Variants in SGK3 observed in about 807,000 individuals in gnomAD.
The protein encoded by SGK3 is serine/threonine-protein kinase Sgk3.
A neutral mutation model predicts 68.5 loss-of-function variants in SGK3; 47 were observed. The observed-to-expected ratio is 0.69, with a 90% CI of 0.54 to 0.87. The LOEUF (loss-of-function observed/expected upper bound fraction) is 0.87. SGK3 is among the 40% of genes least tolerant of loss of function. The pLI, the probability that SGK3 is intolerant of heterozygous loss-of-function variation, is 0.00. For synonymous variants in SGK3, 181 were observed against 189.1 expected (o/e 0.96, Z 0.35); for missense variants, 479 against 575.5 (o/e 0.83, Z 1.72).
At chr8:66,725,144 G>C (rs1275576719) in intron 1 of SGK3, among the ~76,000 whole-genome samples, 1 of 152,086 alleles carries the variant, frequency 6.6e-6, no homozygotes, top group African/African-American at 2.4e-5. Context: ...CAGGAGAATG[G>C]CGTGAACCCA....
At chr8:66,795,955 A>C (rs952540917) in intron 2 of SGK3, among the ~76,000 whole-genome samples, 1 of 152,068 alleles carries the variant, frequency 6.6e-6, no homozygotes, top group Non-Finnish European at 1.5e-5. Context: ...CCAGCCCTAG[A>C]ACAAAGATAG....
intron 1 of SGK3, among the ~76,000 whole-genome samples, chr8:66,744,483 G>GTGTA (rs1234035478): frequency 4.9e-5 from 2 of 40,756 alleles, no homozygotes; most frequent in African/African-American, 7.4e-5. Flanking sequence ...GTGTGTGTGT[G>GTGTA]TATATATATA....
chr8:66,857,238 T>C (rs969958470), intron 16 of SGK3, among the ~76,000 whole-genome samples: 2 of 152,188 alleles, frequency 1.3e-5, no homozygotes, highest in African/African-American at 2.4e-5. Flanking sequence ...TTTGTCTCTA[T>C]GGGGGATTTT....
intron 1 of SGK3, among the ~76,000 whole-genome samples, chr8:66,776,838 A>G (rs1167416022): frequency 6.6e-6 from 1 of 152,228 alleles, no homozygotes; most frequent in East Asian, 1.9e-4. Context: ...TTTGAGAACA[A>G]GATGATTGTC....
In SGK3 at chr8:66,853,776, A is replaced by G. The variant is rs16933081; in HGVS notation, c.1320+2856A>G. ...TATCCTAATAAGAATTGGTTGCTTAATTTTATTCTCTCAGCAGCTGATAGA... is the reference window on the plus strand; with the variant it reads ...TATCCTAATAAGAATTGGTTGCTTAGTTTTATTCTCTCAGCAGCTGATAGA... On this transcript the variant is annotated intron_variant, in intron 16 of 16. Transcript: ENST00000521198. Among the ~76,000 whole-genome samples the G allele has an allele frequency of 6.4e-3, 979 of 152,288 alleles. 14 individuals carry two copies. The highest frequency in any genetic ancestry group is 0.022 in the African/African-American group (894 of 41,556).
intron 1 of SGK3, among the ~76,000 whole-genome samples, chr8:66,764,891 T>C (rs543573093): frequency 1.1e-4 from 16 of 152,346 alleles, no homozygotes; most frequent in African/African-American, 3.8e-4. Flanking sequence ...TATCAGTACT[T>C]CATTCCTTTT....
chr8:66,801,105 C>T (rs1250248736), intron 3 of SGK3, among the ~76,000 whole-genome samples: 1 of 152,158 alleles, frequency 6.6e-6, no homozygotes, highest in Non-Finnish European at 1.5e-5. Context: ...TTGAGTATCC[C>T]TTATCTGAAA....
chr8:66,814,993 ATC>A (rs1360115996), intron 5 of SGK3, among the ~76,000 whole-genome samples: 3 of 152,228 alleles, frequency 2.0e-5, no homozygotes, highest in African/African-American at 7.2e-5. Flanking sequence ...CAGCTCACCT[ATC>A]TCTGTAAACT....
Position 66,741,853 on chromosome 8 carries a change from G to GC in SGK3, c.-122+29022dup, listed in dbSNP as rs552070438. On this transcript the variant is annotated intron_variant, in intron 1 of 16. Coordinates refer to ENST00000521198, the MANE Select transcript of SGK3 (RefSeq NM_001033578.3). ...TTTGGTAATAATCAAGATCAACATAGCCTCTGTCCTCAAGGAAGTTACGGT... is the reference window on the plus strand; with the variant it reads ...TTTGGTAATAATCAAGATCAACATAGCCCTCTGTCCTCAAGGAAGTTACGGT... Among the ~76,000 whole-genome samples the GC allele has an allele frequency of 2.6e-5, 4 of 152,330 alleles. No homozygotes were observed. The South Asian group carries it at 8.3e-4, about 32-fold the overall frequency.
At chr8:66,751,082 G>A (rs1318443031) in intron 1 of SGK3, among the ~76,000 whole-genome samples, 1 of 151,848 alleles carries the variant, frequency 6.6e-6, no homozygotes, top group African/African-American at 2.4e-5. Context: ...GGCGGATCAC[G>A]AGGTCAGGAG....
chr8:66,742,391 A>G (rs1327566069), intron 1 of SGK3, among the ~76,000 whole-genome samples: 1 of 152,160 alleles, frequency 6.6e-6, no homozygotes, highest in Non-Finnish European at 1.5e-5. Context: ...TTTTAGAGAC[A>G]GGGTCTCACT....
Position 66,859,727 on chromosome 8 carries a change from C to A in SGK3, c.*146C>A. 1.0e-6 allele frequency: 1 copy of A among 976,390 alleles called. No individual in the cohort carries two copies. Among genetic ancestry groups the A allele is most frequent in the Non-Finnish European group, 1.4e-6 (1 of 733,628 alleles). 60.5% of individuals were successfully genotyped at this position (976,390 alleles called of 1,614,324 possible). On this transcript the variant is annotated 3_prime_UTR_variant, in exon 17 of 17. Transcript: ENST00000521198. ...AAACTATGAAAAAATGTATTTTCTT[C>A]TATGTGCAAGAAAAATAGGGCATTT...
Position 66,841,040 on chromosome 8 carries a change from C to T in SGK3, c.908C>T (p.Thr303Ile), listed in dbSNP as rs1236062277. The T allele has an allele frequency of 6.9e-6, 11 of 1,598,824 alleles. No homozygotes were observed. The East Asian group carries it at 2.0e-4, about 30-fold the overall frequency. Residue 303 changes from threonine to isoleucine, a missense_variant, in exon 13 of 17, where the codon ACA becomes ATA. By Grantham distance (89) the Thr-to-Ile change is moderately conservative. Around this residue, in one of 3 missense-constraint regions of SGK3, gnomAD observed 8 missense variants for 31.8 expected, o/e 0.25. Coordinates refer to ENST00000521198, the MANE Select transcript of SGK3 (RefSeq NM_001033578.3). ...ATTTGTCAGGGACATGTTGTCTTAA[C>T]AGATTTTGGGCTTTGTAAAGAAGGA... Reference protein sequence around the residue: ...LLDSVGHVVLTDFGLCKEGIA... With the variant: ...LLDSVGHVVLIDFGLCKEGIA...
intron 1 of SGK3, among the ~76,000 whole-genome samples, chr8:66,751,369 G>A (rs1406514046): frequency 6.6e-6 from 1 of 152,098 alleles, no homozygotes; most frequent in Non-Finnish European, 1.5e-5. Context: ...TATTTTCAGA[G>A]CTTAAATGAA....
intron 1 of SGK3, among the ~76,000 whole-genome samples, chr8:66,731,441 C>T (rs910052488): frequency 6.6e-6 from 1 of 152,060 alleles, no homozygotes; most frequent in African/African-American, 2.4e-5. Flanking sequence ...CAAATGGAAA[C>T]GTGTTATTTT....
intron 1 of SGK3, among the ~76,000 whole-genome samples, chr8:66,740,733 C>A (rs1002201725): frequency 6.6e-6 from 1 of 151,886 alleles, no homozygotes; most frequent in South Asian, 2.1e-4. Context: ...ATGGCGAAAC[C>A]CTGTCTCTAC....
At chr8:66,805,597 A>G (rs977160559) in intron 4 of SGK3, among the ~76,000 whole-genome samples, 2 of 152,084 alleles carry the variant, frequency 1.3e-5, no homozygotes, top group Non-Finnish European at 2.9e-5. Context: ...GGGTCTCAGC[A>G]TCTAGCACCT....
At chr8:66,818,504 T>C (rs1426292797) in intron 5 of SGK3, among the ~76,000 whole-genome samples, 1 of 152,174 alleles carries the variant, frequency 6.6e-6, no homozygotes, top group Non-Finnish European at 1.5e-5. Flanking sequence ...AATTATATCA[T>C]CCCCTTAGGC....
At chr8:66,762,204 C>T (rs568579999) in intron 1 of SGK3, among the ~76,000 whole-genome samples, 5 of 152,184 alleles carry the variant, frequency 3.3e-5, no homozygotes, top group Non-Finnish European at 5.9e-5. Context: ...CCTGACCTCA[C>T]GTGATCCACC....
Sources: allele counts gnomAD v4.1 joint callset (sites outside exome capture counted in the v4.1 genomes callset), GRCh38; gene constraint gnomAD v4.1.1; regional missense constraint gnomAD v4.1.1; transcripts MANE v1.5; gene names NCBI Gene and HGNC (gene_info 2026-07-23, HGNC 2026-07-21).